Variants in C1orf87 observed in about 807,000 individuals in gnomAD.
The protein encoded by C1orf87 is chromosome 1 open reading frame 87.
A neutral mutation model predicts 60.5 loss-of-function variants in C1orf87; 58 were observed. The observed-to-expected ratio is 0.96, with a 90% CI of 0.78 to 1.19. C1orf87 has a LOEUF of 1.19. C1orf87 is among the 50% of genes most tolerant of loss of function. The pLI is 0.00. For missense variants in C1orf87, 673 were observed against 638.6 expected (o/e 1.05, Z -0.58); for synonymous variants, 236 against 227.4 (o/e 1.04, Z -0.34).
At chr1:60,068,062 G>A (rs1645560622) in intron 2 of C1orf87, among the ~76,000 whole-genome samples, 2 of 152,076 alleles carry the variant, frequency 1.3e-5, no homozygotes, top group Admixed American at 1.3e-4. Context: ...TGAGGCCTCT[G>A]TTCTGGTCAA....
intron 8 of C1orf87, among the ~76,000 whole-genome samples, chr1:60,016,016 G>A (rs1645122064): frequency 6.6e-6 from 1 of 152,134 alleles, no homozygotes; most frequent in Non-Finnish European, 1.5e-5. Flanking sequence ...CTCCCAAAGT[G>A]TTGGGATTAC....
At chr1:59,997,490 G>A (rs1644971182) in intron 11 of C1orf87, 119 bp downstream of exon 11, 1 of 858,008 alleles carries the variant, frequency 1.2e-6, no homozygotes, top group South Asian at 1.7e-5. Flanking sequence ...CACATTGCAG[G>A]GCACATGATT....
At chr1:60,069,000 C>G (rs1217363166) in intron 2 of C1orf87, among the ~76,000 whole-genome samples, 3 of 152,156 alleles carry the variant, frequency 2.0e-5, no homozygotes, top group East Asian at 3.9e-4. Context: ...CCATGTCACT[C>G]TAATTTATTT....
chr1:60,073,702 GTC>G lies in C1orf87; in HGVS notation c.-42_-41del, dbSNP rs1645599386. ...TCGGGGGGCTTACCGCTAGGGCAGC[GTC>G]CCCACCCTGGCAGCTCAGAGGTGCG... On this transcript the variant is annotated 5_prime_UTR_variant, in exon 1 of 12. Transcript: ENST00000371201. 6.6e-6 allele frequency: 1 copy of G among 152,448 alleles called. No homozygotes were observed. The highest frequency in any genetic ancestry group is 3.4e-3 in the Middle Eastern group (1 of 296). 9.4% of individuals were successfully genotyped at this position (152,448 alleles called of 1,614,324 possible).
intron 7 of C1orf87, among the ~76,000 whole-genome samples, chr1:60,032,383 T>C (rs1263244955): frequency 6.6e-6 from 1 of 152,060 alleles, no homozygotes; most frequent in Admixed American, 6.6e-5. Flanking sequence ...GCCTTGCCAC[T>C]TGTTAGCTGT....
intron 10 of C1orf87, 146 bp downstream of exon 10, chr1:60,000,931 G>A: frequency 1.5e-6 from 1 of 647,758 alleles, no homozygotes; most frequent in Non-Finnish European, 2.6e-6. Flanking sequence ...CTTTGCCCAA[G>A]GAGAGTCTTG....
At chr1:60,020,083 G>A (rs573690663) in intron 8 of C1orf87, among the ~76,000 whole-genome samples, 1 of 152,308 alleles carries the variant, frequency 6.6e-6, no homozygotes, top group Non-Finnish European at 1.5e-5. Context: ...AGACAATGGG[G>A]AAAATGTCTC....
At chr1:60,010,130 T>C (rs1158097306) in intron 9 of C1orf87, among the ~76,000 whole-genome samples, 1 of 151,984 alleles carries the variant, frequency 6.6e-6, no homozygotes, top group East Asian at 1.9e-4. Context: ...ATAAATGTAC[T>C]GCATTCATCT....
intron 9 of C1orf87, 105 bp from the exon 10 acceptor site, chr1:60,001,261 G>A (rs889384356): frequency 2.4e-6 from 2 of 848,278 alleles, no homozygotes; most frequent in Non-Finnish European, 3.4e-6. Flanking sequence ...AAAAAATGGA[G>A]GCTTTGCTCT....
Position 59,997,758 on chromosome 1 carries a change from T to A in C1orf87, c.1331A>T (p.Lys444Ile). 1 of 1,613,940 alleles carries A rather than the reference T, an allele frequency of 6.2e-7. No homozygotes were observed. The highest frequency in any genetic ancestry group is 8.5e-7 in the Non-Finnish European group (1 of 1,179,884). The change falls in exon 11 of 12, where the codon AAA becomes ATA. Residue 444 changes from lysine (K) to isoleucine (I), a missense_variant. Transcript: ENST00000371201. ...GATCTTTAAAGGTTTCAGAGGATCT[T>A]TGCAGGCTGAAGTTTCAGCAGGAGA... Reference protein sequence around the residue: ...ESSPAETSACKDPLKPLKIRP... With the variant: ...ESSPAETSACIDPLKPLKIRP...
chr1:60,015,418 A>G (rs969401425), intron 8 of C1orf87, among the ~76,000 whole-genome samples: 9 of 152,208 alleles, frequency 5.9e-5, no homozygotes, highest in African/African-American at 1.2e-4. Flanking sequence ...AGTCAATAGT[A>G]TCTTGTTATA....
chr1:60,039,752 C>T (rs772070481), intron 5 of C1orf87, among the ~76,000 whole-genome samples, 165 bp downstream of exon 5: 32 of 152,176 alleles, frequency 2.1e-4, no homozygotes, highest in Admixed American at 4.6e-4. Flanking sequence ...ATTTTCTATT[C>T]GAACTAGAAA....
intron 8 of C1orf87, among the ~76,000 whole-genome samples, chr1:60,023,746 G>A (rs527966608): frequency 1.3e-5 from 2 of 152,026 alleles, no homozygotes; most frequent in South Asian, 4.1e-4. Context: ...TTCCCTCCAG[G>A]CTATCCCATT....
chr1:60,021,318 G>C (rs745542416), intron 8 of C1orf87, among the ~76,000 whole-genome samples: 1 of 152,200 alleles, frequency 6.6e-6, no homozygotes, highest in Non-Finnish European at 1.5e-5. Flanking sequence ...CCCCTTGCTA[G>C]CATGGAGATC....
At position 59,990,763 on chromosome 1, in the gene C1orf87, G is replaced by A. The variant is rs34727266; in HGVS notation, c.1551C>T (p.Ser517=). ...NYNLIYNLSL[S]PQKIDQALRR... ...GCAAGGCCTGGTCGATTTTCTGAGG[G>A]CTCAGGGACAGGTTGTAAATGAGAT... Residue 517 remains serine, a synonymous_variant, in exon 12 of 12, where the codon AGC becomes AGT. Transcript: ENST00000371201. The A allele has an allele frequency of 2.2e-3, 3,597 of 1,614,082 alleles. 71 individuals carry two copies. In the African/African-American group the frequency reaches 0.042, roughly 19 times the overall value.
chr1:60,067,069 A>C (rs1015517199), intron 2 of C1orf87, among the ~76,000 whole-genome samples: 16 of 152,182 alleles, frequency 1.1e-4, no homozygotes, highest in Admixed American at 5.2e-4. Context: ...TTCTTTATCC[A>C]GTCTACTATT....
chr1:60,029,901 C>CGTG (rs1557467086), intron 7 of C1orf87, among the ~76,000 whole-genome samples: 2 of 151,844 alleles, frequency 1.3e-5, no homozygotes, highest in African/African-American at 4.8e-5. Context: ...AGCCTCCCAA[C>CGTG]GTGCTGGGAT....
chr1:60,051,412 C>A (rs1032857472), intron 3 of C1orf87, among the ~76,000 whole-genome samples: 8 of 152,150 alleles, frequency 5.3e-5, no homozygotes, highest in African/African-American at 1.9e-4. Flanking sequence ...ACTTAAAATG[C>A]ACTTGTGTAA....
intron 5 of C1orf87, 113 bp from the exon 6 acceptor site, chr1:60,038,220 A>G (rs1645292356): frequency 1.9e-6 from 1 of 527,442 alleles, no homozygotes; most frequent in Non-Finnish European, 3.4e-6. Flanking sequence ...TTAAAAAAAC[A>G]CTTAAAAATA....
Sources: allele counts gnomAD v4.1 joint callset (sites outside exome capture counted in the v4.1 genomes callset), GRCh38; gene constraint gnomAD v4.1.1; transcripts MANE v1.5; gene names NCBI Gene and HGNC (gene_info 2026-07-23, HGNC 2026-07-21).